The following SNTG1 variants were observed in gnomAD, a reference collection of about 807,000 sequenced individuals.
SNTG1 encodes gamma-1-syntrophin.
SNTG1 carries 39 observed loss-of-function variants against 74.7 expected under a neutral mutation model. The ratio of observed to expected loss-of-function variants is 0.52; its 90% CI spans 0.40 to 0.68. The LOEUF (loss-of-function observed/expected upper bound fraction) is 0.68. Ranked by LOEUF, SNTG1 falls within the 30% of genes least tolerant of loss-of-function variation. SNTG1 has a pLI of 0.00. For missense variants in SNTG1, 685 were observed against 609.5 expected (o/e 1.12, Z -1.30); for synonymous variants, 254 against 217.1 (o/e 1.17, Z -1.49).
chr8:50,292,204 G>T (rs184099531), intron 2 of SNTG1, among the ~76,000 whole-genome samples: 33 of 152,200 alleles, frequency 2.2e-4, no homozygotes, highest in African/African-American at 7.5e-4. Flanking sequence ...GCAGAGGGAG[G>T]AAACAAGCCA....
intron 18 of SNTG1, among the ~76,000 whole-genome samples, chr8:50,757,148 T>C (rs2095582539): frequency 6.6e-6 from 1 of 151,814 alleles, no homozygotes; most frequent in Admixed American, 6.6e-5. Context: ...ATTCCTAGTT[T>C]ACTGAGAGTT....
intron 2 of SNTG1, among the ~76,000 whole-genome samples, chr8:50,347,860 A>G (rs1159982384): frequency 6.6e-6 from 1 of 152,222 alleles, no homozygotes; most frequent in Non-Finnish European, 1.5e-5. Context: ...TATACTTTAA[A>G]TAGAGTTGTG....
At chr8:50,209,603 C>G (rs941931657) in intron 2 of SNTG1, among the ~76,000 whole-genome samples, 1 of 152,184 alleles carries the variant, frequency 6.6e-6, no homozygotes, top group Admixed American at 6.5e-5. Context: ...GATACCCAGG[C>G]AAACAGAGTC....
intron 1 of SNTG1, among the ~76,000 whole-genome samples, chr8:49,994,506 C>T (rs889103584): frequency 4.6e-5 from 7 of 150,862 alleles, no homozygotes; most frequent in Non-Finnish European, 7.4e-5. Flanking sequence ...CTCAGGTGAT[C>T]CACCTGCCTT....
chr8:50,722,537 C>T (rs1384224900), intron 17 of SNTG1, among the ~76,000 whole-genome samples: 1 of 152,156 alleles, frequency 6.6e-6, no homozygotes, highest in Non-Finnish European at 1.5e-5. Context: ...TACCTGTTTG[C>T]ATGCATTCCT....
intron 1 of SNTG1, among the ~76,000 whole-genome samples, chr8:50,060,597 A>T (rs979648409): frequency 5.9e-5 from 9 of 151,844 alleles, no homozygotes; most frequent in Non-Finnish European, 1.2e-4. Flanking sequence ...TTCTTGCACT[A>T]TGTTGAATCA....
chr8:50,074,897 G>A (rs183594844), intron 1 of SNTG1, among the ~76,000 whole-genome samples: 2 of 152,246 alleles, frequency 1.3e-5, no homozygotes, highest in Non-Finnish European at 2.9e-5. Context: ...TGCCCCGGCC[G>A]CACTCGCGGC....
intron 1 of SNTG1, among the ~76,000 whole-genome samples, chr8:50,103,581 G>T (rs1160815163): frequency 4.6e-5 from 7 of 152,138 alleles, no homozygotes; most frequent in African/African-American, 1.7e-4. Context: ...GCCCTGGCCA[G>T]AACTTCCAAC....
intron 17 of SNTG1, among the ~76,000 whole-genome samples, chr8:50,744,573 T>G (rs1251019782): frequency 6.6e-6 from 1 of 151,918 alleles, no homozygotes; most frequent in Non-Finnish European, 1.5e-5. Context: ...AACATAAAAT[T>G]TTAAGGATCC....
At chr8:50,411,289 A>G (rs555979731) in intron 4 of SNTG1, among the ~76,000 whole-genome samples, 9 of 151,988 alleles carry the variant, frequency 5.9e-5, no homozygotes, top group East Asian at 2.0e-4. Context: ...TCTACTAAAA[A>G]TACAAAAAAT....
At chr8:50,298,765 C>T (rs753196600) in intron 2 of SNTG1, among the ~76,000 whole-genome samples, 30 of 152,194 alleles carry the variant, frequency 2.0e-4, no homozygotes, top group Non-Finnish European at 3.1e-4. Flanking sequence ...GAGGAAGTGA[C>T]GGCAAACATT....
At chr8:50,582,672 A>C (rs907354235) in intron 12 of SNTG1, among the ~76,000 whole-genome samples, 1 of 152,150 alleles carries the variant, frequency 6.6e-6, no homozygotes, top group East Asian at 1.9e-4. Flanking sequence ...GAATTCAAGC[A>C]TAACATATTT....
At chr8:50,210,817 A>T (rs2084485266) in intron 2 of SNTG1, among the ~76,000 whole-genome samples, 1 of 152,164 alleles carries the variant, frequency 6.6e-6, no homozygotes, top group Non-Finnish European at 1.5e-5. Context: ...AAAACAAAAA[A>T]CATAATTCAT....
chr8:50,564,195 C>T (rs1206988329), intron 12 of SNTG1, among the ~76,000 whole-genome samples: 1 of 151,684 alleles, frequency 6.6e-6, no homozygotes, highest in Admixed American at 6.6e-5. Flanking sequence ...CTTTCCTTGT[C>T]CTGGTCGCTG....
chr8:50,657,440 A>G (rs932200227), intron 14 of SNTG1, among the ~76,000 whole-genome samples: 5 of 152,168 alleles, frequency 3.3e-5, no homozygotes, highest in Non-Finnish European at 5.9e-5. Context: ...ATGAATGAAC[A>G]TGTTTACTAA....
chr8:50,026,575 T>C (rs1021823367), intron 1 of SNTG1, among the ~76,000 whole-genome samples: 1 of 152,104 alleles, frequency 6.6e-6, no homozygotes, highest in Non-Finnish European at 1.5e-5. Context: ...ATTTATGAGT[T>C]TAAGGATGGT....
chr8:50,019,435 T>C (rs1478077673), intron 1 of SNTG1, among the ~76,000 whole-genome samples: 1 of 152,048 alleles, frequency 6.6e-6, no homozygotes, highest in Non-Finnish European at 1.5e-5. Flanking sequence ...AGTGTATTAG[T>C]TGAGTGAAAT....
At chr8:50,114,650 A>C (rs537517926) in intron 1 of SNTG1, among the ~76,000 whole-genome samples, 1 of 152,054 alleles carries the variant, frequency 6.6e-6, no homozygotes, top group Non-Finnish European at 1.5e-5. Flanking sequence ...GTGGATCACG[A>C]GGTCAAGAGA....
rs779964858 is a variant in SNTG1 at position 50,553,309 on chromosome 8, G to A, written c.810+130G>A. 1.6e-5 allele frequency: 19 copies of A among 1,209,276 alleles called. No individual in the cohort carries two copies. The African/African-American group carries it at 2.8e-4, about 18-fold the overall frequency. 74.9% of individuals were successfully genotyped at this position (1,209,276 alleles called of 1,614,324 possible). On this transcript the variant is annotated intron_variant, in intron 12 of 18. Transcript: ENST00000642720. ...TGAGACATTCATGAAAGCTATTCTG[G>A]AATACTTATTGTAAGAAAACTGAGA...
Sources: allele counts gnomAD v4.1 joint callset (sites outside exome capture counted in the v4.1 genomes callset), GRCh38; gene constraint gnomAD v4.1.1; transcripts MANE v1.5; gene names NCBI Gene and HGNC (gene_info 2026-07-23, HGNC 2026-07-21).